Variants in PPP2R5D observed in about 807,000 individuals in gnomAD.
PPP2R5D encodes protein phosphatase 2 regulatory subunit B'delta.
Under a neutral mutation model 79.1 loss-of-function variants are expected in PPP2R5D, and 12 were observed. The ratio of observed to expected loss-of-function variants is 0.15; its 90% confidence interval spans 0.10 to 0.25. The LOEUF (loss-of-function observed/expected upper bound fraction) is 0.25, where lower values mean the gene tolerates loss of function less well. PPP2R5D is among the 10% of genes least tolerant of loss of function. The probability of loss-of-function intolerance (pLI) is 1.00; values close to 1 mark genes in which losing one functional copy is unlikely to be tolerated. For synonymous variants in PPP2R5D, 277 were observed against 286.6 expected (o/e 0.97, Z 0.34); for missense variants, 419 against 760.2 (o/e 0.55, Z 5.28).
chr6:42,997,275 C>T (rs1448594333), intron 2 of PPP2R5D, among the ~76,000 whole-genome samples: 1 of 148,606 alleles, frequency 6.7e-6, no homozygotes, highest in African/African-American at 2.5e-5. Flanking sequence ...TCACTGCAAC[C>T]TCCGCCTCCC....
Position 43,007,268 on chromosome 6 carries a change from G to C in PPP2R5D, c.595G>C (p.Asp199His). Residue 199 changes from aspartate (D) to histidine (H), a missense_variant, in exon 5 of 16, where the codon GAT (aspartate) becomes CAT (histidine). Physicochemically the swap from Asp to His is moderately conservative, Grantham distance 81. Coordinates refer to ENST00000485511, the MANE Select transcript of PPP2R5D (RefSeq NM_006245.4). The surrounding 1 kb of genome is among the most constrained non-coding windows in gnomAD (Gnocchi z 4.5). ...PTGAEFDPEEDEPTLEAAWPH... is the reference protein window; with the variant it reads ...PTGAEFDPEEHEPTLEAAWPH... ...AGGGGCTGAGTTTGACCCAGAGGAA[G>C]ATGAGCCCACCCTGGAAGCTGCTTG... The C allele has an allele frequency of 6.2e-7, 1 of 1,614,206 alleles. No homozygotes were observed. Among genetic ancestry groups the C allele is most frequent in the Non-Finnish European group, 8.5e-7 (1 of 1,180,046 alleles).
At chr6:42,986,843 G>A (rs1325180732) in intron 1 of PPP2R5D, among the ~76,000 whole-genome samples, 1 of 151,632 alleles carries the variant, frequency 6.6e-6, no homozygotes, top group Non-Finnish European at 1.5e-5. Context: ...CGTTTGGTTG[G>A]GAAAGGGTGT....
chr6:42,994,470 C>G (rs1026324353), intron 2 of PPP2R5D, among the ~76,000 whole-genome samples: 2 of 152,114 alleles, frequency 1.3e-5, no homozygotes, highest in Non-Finnish European at 1.5e-5. Flanking sequence ...TCAGGTGAGA[C>G]CCCACTGACC....
intron 1 of PPP2R5D, among the ~76,000 whole-genome samples, chr6:42,987,215 T>A (rs1424083665): frequency 6.6e-6 from 1 of 152,208 alleles, no homozygotes; most frequent in African/African-American, 2.4e-5. Context: ...AAGACTTTTC[T>A]TCCCCTTTGA....
chr6:42,984,871 T>G (rs1186601887), intron 1 of PPP2R5D, among the ~76,000 whole-genome samples, 167 bp downstream of exon 1: 2 of 150,544 alleles, frequency 1.3e-5, no homozygotes, highest in Non-Finnish European at 3.0e-5. Context: ...CCCCAGCTTG[T>G]GCCGCAGCTA....
At position 43,007,354 on chromosome 6, in the gene PPP2R5D, A is replaced by G; in HGVS notation, c.633+48A>G. 1.2e-6 allele frequency: 2 copies of G among 1,606,416 alleles called. No homozygotes were observed. The highest frequency in any genetic ancestry group is 1.7e-6 in the Non-Finnish European group (2 of 1,172,962). On this transcript the variant is annotated intron_variant, in intron 5 of 15. Coordinates refer to ENST00000485511, the MANE Select transcript of PPP2R5D (RefSeq NM_006245.4). The surrounding 1 kb of genome is among the most constrained non-coding windows in gnomAD (Gnocchi z 4.5). Reference sequence around the variant, plus strand: ...TGGCCGTGGCTGCAGGGAGTGGGGCACTTGGAGGCCTGCAAGTCCTTGGGA... The same window carrying G: ...TGGCCGTGGCTGCAGGGAGTGGGGCGCTTGGAGGCCTGCAAGTCCTTGGGA...
intron 2 of PPP2R5D, among the ~76,000 whole-genome samples, chr6:43,003,027 T>A (rs1159261575): frequency 6.6e-6 from 1 of 152,138 alleles, no homozygotes; most frequent in Non-Finnish European, 1.5e-5. Flanking sequence ...AGTCCAGGAG[T>A]ACCTGTGGGC....
In PPP2R5D at chr6:43,009,805, G is replaced by A. The variant is rs541411263; in HGVS notation, c.1379+356G>A. 1.3e-5 allele frequency among the ~76,000 whole-genome samples: 2 copies of A among 152,298 alleles called. No homozygotes were observed. Among genetic ancestry groups the A allele is most frequent in the South Asian group, 2.1e-4 (1 of 4,822 alleles). On this transcript the variant is annotated intron_variant, in intron 12 of 15. Coordinates refer to ENST00000485511, the MANE Select transcript of PPP2R5D (RefSeq NM_006245.4). This position sits in a 1 kb window ranked among gnomAD's most constrained non-coding sequence, Gnocchi z 5.6. ...TTTTAGGCCGGGCACGGTGTCTCACGCCTGTAATCCTAGCACTTTGGGAGG... is the reference window on the plus strand; with the variant it reads ...TTTTAGGCCGGGCACGGTGTCTCACACCTGTAATCCTAGCACTTTGGGAGG...
In PPP2R5D at chr6:42,995,126, C is replaced by CA. The variant is rs1771553977; in HGVS notation, c.105+5438_105+5439insA. 2.8e-5 allele frequency among the ~76,000 whole-genome samples: 3 copies of CA among 106,366 alleles called. No homozygotes were observed. In the Admixed American group the frequency reaches 3.1e-4, roughly 11 times the overall value. 69.8% of individuals were successfully genotyped at this position (106,366 alleles called of 152,430 possible). A position where few individuals can be genotyped will look rare whatever the true frequency, so the allele number is the denominator to read the frequency against. On this transcript the variant is annotated intron_variant, in intron 2 of 15. Transcript: ENST00000485511. ...TTGTGTCCCACCGAACTTTTTCTTT[C>CA]TTTTTTTTTTTTTTTTTTTTTGGAG...
At chr6:42,989,546 G>A (rs1489192348) in intron 1 of PPP2R5D, 65 bp from the exon 2 acceptor site, 3 of 1,322,468 alleles carry the variant, frequency 2.3e-6, no homozygotes, top group African/African-American at 2.9e-5. Flanking sequence ...AGATCTAAGG[G>A]AGCCAGATAA....
At chr6:43,002,452 C>G (rs529982362) in intron 2 of PPP2R5D, among the ~76,000 whole-genome samples, 3 of 152,108 alleles carry the variant, frequency 2.0e-5, no homozygotes, top group Non-Finnish European at 4.4e-5. Flanking sequence ...TGTGAGCCAC[C>G]GTGCCTGGCC....
chr6:43,000,237 T>C (rs1274686158), intron 2 of PPP2R5D, among the ~76,000 whole-genome samples: 2 of 94,120 alleles, frequency 2.1e-5, no homozygotes, highest in African/African-American at 6.1e-5. Flanking sequence ...TCTGGCCACC[T>C]TTTTTTTTTT....
intron 15 of PPP2R5D, 44 bp from the exon 16 acceptor site, chr6:43,011,105 G>A (rs1281300278): frequency 4.3e-6 from 7 of 1,613,060 alleles, no homozygotes; most frequent in African/African-American, 1.3e-5. Flanking sequence ...AGAATTCACT[G>A]GGAATTGGTC....
Position 42,998,011 on chromosome 6 carries a change from TTATTTATATATATATATATATATA to T in PPP2R5D, c.105+8327_105+8350del, listed in dbSNP as rs1417432852. Among the ~76,000 whole-genome samples, 262 of 72,564 alleles carry T rather than the reference TTATTTATATATATATATATATATA, an allele frequency of 3.6e-3. 4 individuals are homozygous for T. Among genetic ancestry groups the T allele is most frequent in the African/African-American group, 0.019 (225 of 11,770 alleles). 47.6% of individuals were successfully genotyped at this position (72,564 alleles called of 152,430 possible). A position where few individuals can be genotyped will look rare whatever the true frequency, so the allele number is the denominator to read the frequency against. On this transcript the variant is annotated intron_variant, in intron 2 of 15. Transcript: ENST00000485511. ...TTATTTATATTTGAATATTTGGGTT[TTATTTATATATATATATATATATA>T]TATATATATATATATATATATATTT...
chr6:42,988,701 T>C (rs184322026), intron 1 of PPP2R5D, among the ~76,000 whole-genome samples: 38 of 152,314 alleles, frequency 2.5e-4, no homozygotes, highest in Middle Eastern at 6.8e-3. Flanking sequence ...CTCCCAAGCC[T>C]GATGCTCATG....
In PPP2R5D at chr6:43,012,124, G is replaced by T; in HGVS notation, c.*838G>T. 1 of 822,656 alleles carries T rather than the reference G, an allele frequency of 1.2e-6. No homozygotes were observed. Among genetic ancestry groups the T allele is most frequent in the Non-Finnish European group, 1.5e-6 (1 of 671,846 alleles). 51.0% of individuals were successfully genotyped at this position (822,656 alleles called of 1,614,324 possible). ...CCAACACCTATTTATTTCCTTGTTT[G>T]TGCTATGCTGGGCAGGCCTTCTCTT... On this transcript the variant is annotated 3_prime_UTR_variant, in exon 16 of 16. Transcript: ENST00000485511.
intron 1 of PPP2R5D, among the ~76,000 whole-genome samples, chr6:42,986,676 A>C (rs1391600847): frequency 2.0e-5 from 3 of 152,052 alleles, no homozygotes; most frequent in Non-Finnish European, 4.4e-5. Context: ...ACAGGGGCTA[A>C]GGGAAATGGA....
At chr6:43,002,199 T>C (rs1772274460) in intron 2 of PPP2R5D, among the ~76,000 whole-genome samples, 2 of 150,820 alleles carry the variant, frequency 1.3e-5, no homozygotes, top group African/African-American at 4.9e-5. Context: ...AGTCTCGCCC[T>C]ATCACCCAGG....
rs551526440 is a variant in PPP2R5D at position 42,998,863 on chromosome 6, C to T, written c.106-7600C>T. On this transcript the variant is annotated intron_variant, in intron 2 of 15. Coordinates refer to ENST00000485511, the MANE Select transcript of PPP2R5D (RefSeq NM_006245.4). Reference sequence around the variant, plus strand: ...CAGCCTGGCCAACATGGTGAAACCCCGTCTCTACTGAAAATACAAAAATTA... The same window carrying T: ...CAGCCTGGCCAACATGGTGAAACCCTGTCTCTACTGAAAATACAAAAATTA... Among the ~76,000 whole-genome samples the T allele has an allele frequency of 4.1e-4, 62 of 152,122 alleles. 1 individual carries two copies. Among genetic ancestry groups the T allele is most frequent in the African/African-American group, 1.3e-3 (54 of 41,514 alleles).
Sources: allele counts gnomAD v4.1 joint callset (sites outside exome capture counted in the v4.1 genomes callset), GRCh38; gene constraint gnomAD v4.1.1; non-coding constraint Gnocchi (gnomAD v3.1); transcripts MANE v1.5; gene names NCBI Gene and HGNC (gene_info 2026-07-23, HGNC 2026-07-21).